SNX4: variants seen among roughly 807,000 people sequenced by gnomAD.
SNX4 encodes sorting nexin-4.
In SNX4, 49 loss-of-function variants were observed where a neutral mutation model predicts 70.8. The ratio of observed to expected loss-of-function variants is 0.69; its 90% CI spans 0.55 to 0.88. SNX4 has a LOEUF of 0.88. SNX4 is among the 40% of genes least tolerant of loss of function. The pLI is 0.00. For synonymous variants in SNX4, 206 were observed against 183.8 expected (o/e 1.12, Z -0.98); for missense variants, 528 against 544.8 (o/e 0.97, Z 0.31).
intron 1 of SNX4, chr3:125,516,869 A>G (rs551474138): frequency 6.6e-6 from 1 of 152,320 alleles, no homozygotes; most frequent in African/African-American, 2.4e-5. Context: ...TGGTTAAGCA[A>G]GCTGTTTTTT....
chr3:125,504,483 C>CA (rs1559824295), intron 2 of SNX4, 140 bp downstream of exon 2: 75 of 793,432 alleles, frequency 9.5e-5, no homozygotes, highest in Middle Eastern at 3.2e-4. Context: ...GACCCTGTCT[C>CA]AAAAAAAAGT....
intron 6 of SNX4, among the ~76,000 whole-genome samples, chr3:125,483,862 T>A (rs1407099433): frequency 6.6e-6 from 1 of 152,244 alleles, no homozygotes; most frequent in East Asian, 1.9e-4. Flanking sequence ...AACGAGGGTA[T>A]AACTTCTTAG....
At chr3:125,512,302 ATTCT>A (rs1244953384) in intron 1 of SNX4, among the ~76,000 whole-genome samples, 1 of 152,244 alleles carries the variant, frequency 6.6e-6, no homozygotes, top group African/African-American at 2.4e-5. Context: ...CTGAAAGCAC[ATTCT>A]GATAAAGCAA....
chr3:125,467,434 A>C (rs545223747), intron 9 of SNX4, among the ~76,000 whole-genome samples: 10 of 152,036 alleles, frequency 6.6e-5, no homozygotes, highest in Non-Finnish European at 1.0e-4. Context: ...GAGTGGGGGG[A>C]AGGATATGAA....
chr3:125,447,906 A>G (rs1216577264), intron 13 of SNX4, 80 bp from the exon 14 acceptor site: 2 of 858,608 alleles, frequency 2.3e-6, no homozygotes, highest in South Asian at 3.4e-5. Flanking sequence ...GTGGTACACT[A>G]AGTTTTGCTT....
At chr3:125,490,348 C>A (rs929345473) in intron 5 of SNX4, among the ~76,000 whole-genome samples, 17 of 151,684 alleles carry the variant, frequency 1.1e-4, no homozygotes, top group Non-Finnish European at 5.9e-5. Flanking sequence ...CGGTGAAACG[C>A]TGTCTCTACT....
chr3:125,497,381 T>C lies in SNX4; in HGVS notation c.557A>G (p.Asn186Ser), dbSNP rs1444739058. Residue 186 changes from asparagine to serine, a missense_variant, in exon 5 of 14, where the codon AAC (asparagine) becomes AGC (serine). By Grantham distance (46) the Asn-to-Ser change is conservative. Coordinates refer to ENST00000251775, the MANE Select transcript of SNX4 (RefSeq NM_003794.4). ...AGTTTCATTCACAGTCTCCTTCCAG[T>C]TACCTTCCTAAAAATTGAAGTTAAT... is the stretch of plus-strand genomic sequence containing the variant. The part of the protein sequence containing the change: ...IFYLFLTQEG[N>S]WKETVNETGF... The C allele has an allele frequency of 2.5e-6, 4 of 1,598,198 alleles. No homozygotes were observed. In the African/African-American group the frequency reaches 4.0e-5, roughly 16 times the overall value.
chr3:125,450,480 TA>T (rs1274188796), intron 13 of SNX4, among the ~76,000 whole-genome samples: 2 of 152,212 alleles, frequency 1.3e-5, no homozygotes, highest in African/African-American at 4.8e-5. Context: ...TTTTGCCCTA[TA>T]AATGTGAGAA....
intron 6 of SNX4, among the ~76,000 whole-genome samples, chr3:125,484,544 C>T (rs547495859): frequency 6.6e-6 from 1 of 152,250 alleles, no homozygotes; most frequent in African/African-American, 2.4e-5. Flanking sequence ...TGTGAGCTAC[C>T]ATGTCTGGCC....
intron 4 of SNX4, 50 bp downstream of exon 4, chr3:125,497,784 A>C (rs769831507): frequency 1.5e-6 from 2 of 1,333,818 alleles, no homozygotes; most frequent in Middle Eastern, 2.1e-4. Flanking sequence ...TTTTTTTAAG[A>C]AACCCAAATT....
At chr3:125,486,051 G>T in intron 6 of SNX4, among the ~76,000 whole-genome samples, 1 of 152,116 alleles carries the variant, frequency 6.6e-6, no homozygotes, top group Non-Finnish European at 1.5e-5. Flanking sequence ...ATGTTGGCCA[G>T]GTGGGTCTCG....
intron 7 of SNX4, among the ~76,000 whole-genome samples, chr3:125,478,583 T>C (rs1413157208): frequency 6.6e-6 from 1 of 152,000 alleles, no homozygotes; most frequent in African/African-American, 2.4e-5. Context: ...TCTTACAGGG[T>C]TAGCATTCCA....
chr3:125,448,391 T>A (rs1351282033), intron 13 of SNX4, among the ~76,000 whole-genome samples: 1 of 151,572 alleles, frequency 6.6e-6, no homozygotes, highest in Non-Finnish European at 1.5e-5. Flanking sequence ...TGCCTCTGCC[T>A]CCCAAAGTGC....
At chr3:125,456,139 A>G (rs145751656) in intron 11 of SNX4, among the ~76,000 whole-genome samples, 17 of 152,336 alleles carry the variant, frequency 1.1e-4, no homozygotes, top group Admixed American at 7.8e-4. Flanking sequence ...TGGAGTAGAA[A>G]GCTGATTATA....
Position 125,480,319 on chromosome 3 carries a change from C to A in SNX4, c.654G>T (p.Lys218Asn). 1 of 1,498,248 alleles carries A rather than the reference C, an allele frequency of 6.7e-7. No homozygotes were observed. The highest frequency in any genetic ancestry group is 9.0e-7 in the Non-Finnish European group (1 of 1,116,308). The allele number at this position is 1,498,248 out of a possible 1,614,324, so 92.8% of individuals were successfully genotyped here. The change falls in exon 7 of 14, where the codon AAG becomes AAT. Residue 218 changes from lysine (K) to asparagine (N), a missense_variant and splice_region_variant. Around this residue, in one of 3 missense-constraint regions of SNX4, gnomAD observed 341 missense variants for 312.2 expected, o/e 1.09. Transcript: ENST00000251775. ...NATFRVKNPD[K>N]RFTDLKHYSD... is the part of the protein sequence containing the mutation. ...TATAGTGCTTAAGGTCAGTAAATCT[C>A]CTGAAACAGGAAACAAATAAAACAT...
At chr3:125,484,689 C>CAATAAG (rs1384585417) in intron 6 of SNX4, among the ~76,000 whole-genome samples, 1 of 152,070 alleles carries the variant, frequency 6.6e-6, no homozygotes, top group South Asian at 2.1e-4. Flanking sequence ...TGCTTCTCTC[C>CAATAAG]AATCTTAAAG....
intron 5 of SNX4, among the ~76,000 whole-genome samples, chr3:125,497,079 T>TAAA (rs869287911): frequency 3.2e-5 from 4 of 124,094 alleles, no homozygotes; most frequent in Admixed American, 8.3e-5. Flanking sequence ...AAACACTAAC[T>TAAA]AAAAAAAAAA....
intron 10 of SNX4, among the ~76,000 whole-genome samples, chr3:125,459,627 C>CG (rs1390225382): frequency 1.3e-5 from 2 of 151,976 alleles, no homozygotes; most frequent in Non-Finnish European, 2.9e-5. Context: ...TTAGTAGAGA[C>CG]GGGGTTTCAC....
At position 125,460,878 on chromosome 3, in the gene SNX4, A is replaced by G. The variant is rs777919114; in HGVS notation, c.855-18T>C. On this transcript the variant is annotated intron_variant, in intron 9 of 13. Transcript: ENST00000251775. The stretch of plus-strand genomic sequence containing the variant: ...ATGCATACCTGTTTTAAAAAAAAAA[A>G]CACACATTGCATAGAGTTACTTTCA... 8.5e-7 allele frequency: 1 copy of G among 1,180,762 alleles called. No homozygotes were observed. Among genetic ancestry groups the G allele is most frequent in the Non-Finnish European group, 1.2e-6 (1 of 843,598 alleles). 73.1% of individuals were successfully genotyped at this position (1,180,762 alleles called of 1,614,324 possible). A position where few individuals can be genotyped will look rare whatever the true frequency, so the allele number is the denominator to read the frequency against.
Sources: allele counts gnomAD v4.1 joint callset (sites outside exome capture counted in the v4.1 genomes callset), GRCh38; gene constraint gnomAD v4.1.1; regional missense constraint gnomAD v4.1.1; transcripts MANE v1.5; gene names NCBI Gene and HGNC (gene_info 2026-07-23, HGNC 2026-07-21).